The following OPRM1 variants were observed in gnomAD, a reference collection of about 807,000 sequenced individuals.
OPRM1 encodes opioid receptor mu 1, also known as mu-type opioid receptor.
OPRM1 carries 27 observed loss-of-function variants against 31.8 expected under a neutral mutation model. The observed-to-expected ratio is 0.85, with a 90% CI of 0.63 to 1.17. OPRM1 has a LOEUF of 1.17. Among genes scored for constraint, OPRM1 ranks in the 50% most tolerant of loss-of-function variants. OPRM1 has a pLI of 0.00. For synonymous variants in OPRM1, 196 were observed against 189.9 expected, an observed-to-expected ratio of 1.03 and a Z score of -0.26; for missense variants, 536 against 511.1, an observed-to-expected ratio of 1.05 and a Z score of -0.47.
chr6:154,205,943 C>T (rs1409644324), intron 3 of OPRM1, among the ~76,000 whole-genome samples: 3 of 152,092 alleles, frequency 2.0e-5, no homozygotes, highest in Non-Finnish European at 4.4e-5. Flanking sequence ...CCTGGCTATG[C>T]TGCAGCCTTC....
Position 154,101,961 on chromosome 6 carries a change from A to G in OPRM1, c.1164+10489A>G, listed in dbSNP as rs531630595. Among the ~76,000 whole-genome samples the G allele has an allele frequency of 1.4e-4, 22 of 152,256 alleles. 1 individual carries two copies. The South Asian group carries it at 1.9e-3, about 13-fold the overall frequency. ...AATTATTTATTTTATTTTTTTGGAG[A>G]CAGGATTTAGCTCTGCTGTCCAAGC... On this transcript the variant is annotated intron_variant, in intron 3 of 3. Coordinates refer to ENST00000330432, the MANE Select transcript of OPRM1 (RefSeq NM_000914.5).
At chr6:154,243,140 A>G (rs538136953) in intron 3 of OPRM1, among the ~76,000 whole-genome samples, 1 of 152,218 alleles carries the variant, frequency 6.6e-6, no homozygotes, top group Non-Finnish European at 1.5e-5. Flanking sequence ...AATTGAAAGA[A>G]GTGCCATCTT....
At position 154,123,654 on chromosome 6, in the gene OPRM1, G is replaced by A. The variant is rs375797223; in HGVS notation, c.*4933G>A. ...TAAACAAGGGGTGGATTATTCATGG[G>A]TTTTCTGGGAAAGGAGTGGGCAATT... On this transcript the variant is annotated 3_prime_UTR_variant, in exon 4 of 4. Coordinates refer to ENST00000330432, the MANE Select transcript of OPRM1 (RefSeq NM_000914.5). Among the ~76,000 whole-genome samples the A allele has an allele frequency of 1.3e-5, 2 of 152,206 alleles. No individual in the cohort carries two copies. Among genetic ancestry groups the A allele is most frequent in the Non-Finnish European group, 2.9e-5 (2 of 68,034 alleles).
chr6:154,142,969 T>G (rs1188732970), intron 3 of OPRM1, among the ~76,000 whole-genome samples: 1 of 152,188 alleles, frequency 6.6e-6, no homozygotes, highest in Admixed American at 6.5e-5. Context: ...GGACCAGTTC[T>G]TCCTTACAAT....
At chr6:154,115,135 G>C (rs1213461548) in intron 3 of OPRM1, among the ~76,000 whole-genome samples, 2 of 152,052 alleles carry the variant, frequency 1.3e-5, no homozygotes, top group African/African-American at 2.4e-5. Context: ...CTATTTTTTT[G>C]GTATCAAATC....
intron 3 of OPRM1, among the ~76,000 whole-genome samples, chr6:154,195,146 TC>T (rs1199443388): frequency 1.5e-5 from 2 of 131,494 alleles, no homozygotes; most frequent in Admixed American, 7.5e-5. Flanking sequence ...TTCTTTTCTT[TC>T]TTTTTTTTTT....
chr6:154,162,555 T>C (rs1306139503), intron 3 of OPRM1, among the ~76,000 whole-genome samples: 1 of 152,234 alleles, frequency 6.6e-6, no homozygotes, highest in Non-Finnish European at 1.5e-5. Flanking sequence ...AACAGTTTCA[T>C]TGTTGTGCTC....
Position 154,042,588 on chromosome 6 carries a change from C to T in OPRM1, c.290+2754C>T, listed in dbSNP as rs188925998. Among the ~76,000 whole-genome samples the T allele has an allele frequency of 8.5e-5, 13 of 152,260 alleles. No homozygotes were observed. In the East Asian group the frequency reaches 2.3e-3, roughly 27 times the overall value. ...GCTAACATGGACGCTGTGATTAACTCTTTGGTTCTGTTTGTAACACCATCA... is the reference window on the plus strand; with the variant it reads ...GCTAACATGGACGCTGTGATTAACTTTTTGGTTCTGTTTGTAACACCATCA... On this transcript the variant is annotated intron_variant, in intron 1 of 3. Transcript: ENST00000330432.
In OPRM1 at chr6:154,039,694, C is replaced by A. The variant is rs202227993; in HGVS notation, c.150C>A (p.Thr50=). 3.1e-6 allele frequency: 5 copies of A among 1,613,882 alleles called. No homozygotes were observed. Among genetic ancestry groups the A allele is most frequent in the Non-Finnish European group, 4.2e-6 (5 of 1,180,030 alleles). ...CCGACCCATGCGGTCCGAACCGCAC[C>A]GACCTGGGCGGGAGAGACAGCCTGT... ...NLSDPCGPNR[T]DLGGRDSLCP... Residue 50 remains threonine (T), a synonymous_variant, in exon 1 of 4, where the codon ACC becomes ACA. Coordinates refer to ENST00000330432, the MANE Select transcript of OPRM1 (RefSeq NM_000914.5).
chr6:154,089,714 C>T lies in OPRM1; in HGVS notation c.291-112C>T, dbSNP rs527803832. On this transcript the variant is annotated intron_variant, in intron 1 of 3. Coordinates refer to ENST00000330432, the MANE Select transcript of OPRM1 (RefSeq NM_000914.5). The stretch of plus-strand genomic sequence containing the variant: ...CTGATACTGGAAAACAATTCTATAT[C>T]TAATCTCAAAAAAGCTTTCTACTAA... The T allele has an allele frequency of 1.1e-4, 77 of 701,092 alleles. No homozygotes were observed. In the African/African-American group the frequency reaches 1.3e-3, roughly 12 times the overall value. The allele number at this position is 701,092 out of a possible 1,614,324, so 43.4% of individuals were successfully genotyped here.
chr6:154,153,546 G>T (rs1311988418), intron 3 of OPRM1, among the ~76,000 whole-genome samples: 1 of 152,142 alleles, frequency 6.6e-6, no homozygotes, highest in African/African-American at 2.4e-5. Context: ...TTAGCCAGGA[G>T]TGATGACGGG....
chr6:154,063,013 T>C (rs933735814), intron 1 of OPRM1, among the ~76,000 whole-genome samples: 1 of 152,072 alleles, frequency 6.6e-6, no homozygotes, highest in Admixed American at 6.5e-5. Context: ...TGTTGTGCTA[T>C]TATTAAACAT....
At chr6:154,089,251 C>CT (rs1791401909) in intron 1 of OPRM1, among the ~76,000 whole-genome samples, 1 of 151,844 alleles carries the variant, frequency 6.6e-6, no homozygotes, top group Non-Finnish European at 1.5e-5. Context: ...CTCCCTCTTT[C>CT]TATTAGACCT....
intron 1 of OPRM1, among the ~76,000 whole-genome samples, chr6:154,023,120 A>C (rs1778481858): frequency 6.6e-6 from 1 of 152,186 alleles, no homozygotes; most frequent in Admixed American, 6.5e-5. Context: ...AATTACATTA[A>C]ATTTGTAGAT....
intron 3 of OPRM1, among the ~76,000 whole-genome samples, chr6:154,154,097 T>C (rs964443187): frequency 6.6e-6 from 1 of 152,122 alleles, no homozygotes; most frequent in Non-Finnish European, 1.5e-5. Context: ...GCTTGTGAGG[T>C]GAGACTTGGG....
chr6:154,137,721 T>C (rs655059), intron 3 of OPRM1, among the ~76,000 whole-genome samples: 8,735 of 152,222 alleles, frequency 0.057, 486 homozygotes, highest in Admixed American at 0.18. Flanking sequence ...TTATATACCA[T>C]GAGAGTTCAG....
Position 154,039,628 on chromosome 6 carries a change from C to T in OPRM1, c.84C>T (p.Pro28=), listed in dbSNP as rs375325537. ...CAAGTTGCTCCCCAGCACCCAGCCC[C>T]GGTTCCTGGGTCAACTTGTCCCACT... ...AYSSCSPAPS[P]GSWVNLSHLD... The change falls in exon 1 of 4, where the codon CCC becomes CCT. Residue 28 remains proline, a synonymous_variant. Transcript: ENST00000330432. 5 of 1,613,682 alleles carry T rather than the reference C, an allele frequency of 3.1e-6. No homozygotes were observed. The highest frequency in any genetic ancestry group is 4.2e-6 in the Non-Finnish European group (5 of 1,179,702).
Position 154,081,438 on chromosome 6 carries a change from G to A in OPRM1, c.291-8388G>A, listed in dbSNP as rs184551076. Among the ~76,000 whole-genome samples, 36 of 152,170 alleles carry A rather than the reference G, an allele frequency of 2.4e-4. No individual in the cohort carries two copies. The East Asian group carries it at 5.2e-3, about 22-fold the overall frequency. On this transcript the variant is annotated intron_variant, in intron 1 of 3. Transcript: ENST00000330432. Reference sequence around the variant, plus strand: ...GGAGAATGGCGTGAACCCGGGAGGCGGAGTTTGCAGTGAGCCGAGATCGCG... The same window carrying A: ...GGAGAATGGCGTGAACCCGGGAGGCAGAGTTTGCAGTGAGCCGAGATCGCG...
intron 3 of OPRM1, among the ~76,000 whole-genome samples, chr6:154,152,347 G>GAAAGGAAAGAAAGAAA: frequency 9.4e-4 from 61 of 65,154 alleles, no homozygotes; most frequent in South Asian, 1.9e-3. Context: ...AAGAAAGAAA[G>GAAAGGAAAGAAAGAAA]GAAAGAAAGA....
Sources: gnomAD v4.1 joint callset for allele counts (sites outside exome capture counted in the v4.1 genomes callset) on GRCh38, gnomAD v4.1.1 for gene constraint, MANE v1.5 for transcripts, NCBI Gene and HGNC (gene_info 2026-07-23, HGNC 2026-07-21) for gene names.